The following TMTC2 variants were observed in gnomAD, a reference collection of about 807,000 sequenced individuals.
TMTC2 encodes the protein protein O-mannosyl-transferase TMTC2.
Under a neutral mutation model 82.4 loss-of-function variants are expected in TMTC2, and 43 were observed. The observed-to-expected ratio is 0.52, with a 90% CI of 0.41 to 0.67. The LOEUF is 0.67. Among genes scored for constraint, TMTC2 ranks in the 30% least tolerant of loss-of-function variants. The pLI is 0.00. For synonymous variants in TMTC2, 408 were observed against 381.9 expected, an observed-to-expected ratio of 1.07 and a Z score of -0.80; for missense variants, 919 against 1,012.4, an observed-to-expected ratio of 0.91 and a Z score of 1.25.
intron 1 of TMTC2, among the ~76,000 whole-genome samples, chr12:82,717,542 A>AT (rs1873959304): frequency 6.6e-6 from 1 of 152,082 alleles, no homozygotes; most frequent in East Asian, 1.9e-4. Flanking sequence ...GGCAAAAGGT[A>AT]TTTTTTATTT....
At chr12:82,841,242 G>C (rs1465391949) in intron 1 of TMTC2, among the ~76,000 whole-genome samples, 5 of 152,184 alleles carry the variant, frequency 3.3e-5, no homozygotes, top group Admixed American at 3.3e-4. Context: ...AATAAAACGT[G>C]TTAGAGCTCC....
intron 1 of TMTC2, among the ~76,000 whole-genome samples, chr12:82,848,039 T>A (rs1442556853): frequency 5.9e-5 from 9 of 152,136 alleles, no homozygotes; most frequent in Non-Finnish European, 1.0e-4. Flanking sequence ...TTTCAACTTC[T>A]AAGGAGTTAG....
intron 1 of TMTC2, chr12:82,758,934 T>C (rs1193780854): frequency 6.6e-6 from 1 of 152,152 alleles, no homozygotes; most frequent in African/African-American, 2.4e-5. Context: ...AAGGAAAACA[T>C]ACCGGATTGA....
chr12:82,953,587 T>C (rs1241622216), intron 4 of TMTC2, among the ~76,000 whole-genome samples: 3 of 152,186 alleles, frequency 2.0e-5, no homozygotes, highest in Non-Finnish European at 4.4e-5. Context: ...TAAATGTTGC[T>C]TAAAACTAAG....
chr12:82,857,351 T>C lies in TMTC2; in HGVS notation c.425T>C (p.Val142Ala). 6.2e-7 allele frequency: 1 copy of C among 1,614,182 alleles called. No homozygotes were observed. The highest frequency in any genetic ancestry group is 1.6e-4 in the Middle Eastern group (1 of 6,062). ...AVAGIVGRAD[V>A]GASLFFLLSL... ...GCAGGAATCGTGGGACGAGCCGATGTCGGGGCCAGTCTCTTCTTTCTCCTC... is the reference window on the plus strand; with the variant it reads ...GCAGGAATCGTGGGACGAGCCGATGCCGGGGCCAGTCTCTTCTTTCTCCTC... Residue 142 changes from valine to alanine, a missense_variant, in exon 2 of 12, where the codon GTC becomes GCC. Coordinates refer to ENST00000321196, the MANE Select transcript of TMTC2 (RefSeq NM_152588.3).
intron 4 of TMTC2, among the ~76,000 whole-genome samples, chr12:82,937,786 A>ATATATATG (rs1876455612): frequency 4.3e-5 from 1 of 23,140 alleles, no homozygotes; most frequent in Non-Finnish European, 9.9e-5. Context: ...ATATATATAT[A>ATATATATG]TATATATATA....
In TMTC2 at chr12:82,775,564, G is replaced by A. The variant is rs1316716483; in HGVS notation, c.84-81446G>A. ...ACATGCAAATGGAAGTTAGGAGAGGGCATGTAAAGTAATTAGAGCTGATTT... is the reference window on the plus strand; with the variant it reads ...ACATGCAAATGGAAGTTAGGAGAGGACATGTAAAGTAATTAGAGCTGATTT... On this transcript the variant is annotated intron_variant, in intron 1 of 11. Coordinates refer to ENST00000321196, the MANE Select transcript of TMTC2 (RefSeq NM_152588.3). 3.9e-5 allele frequency among the ~76,000 whole-genome samples: 6 copies of A among 152,096 alleles called. No individual in the cohort carries two copies. In the East Asian group the frequency reaches 9.7e-4, roughly 25 times the overall value.
chr12:82,863,785 G>T (rs1871673878), intron 2 of TMTC2, among the ~76,000 whole-genome samples: 1 of 152,160 alleles, frequency 6.6e-6, no homozygotes. Context: ...AGTAGGCGAT[G>T]TGGGGATTCA....
intron 3 of TMTC2, among the ~76,000 whole-genome samples, chr12:82,923,077 G>T (rs1201029452): frequency 6.6e-6 from 1 of 152,102 alleles, no homozygotes; most frequent in East Asian, 1.9e-4. Flanking sequence ...CTGTCAGATG[G>T]CATAACAGAA....
chr12:82,834,307 A>G (rs1407983448), intron 1 of TMTC2, among the ~76,000 whole-genome samples: 2 of 152,200 alleles, frequency 1.3e-5, no homozygotes, highest in Non-Finnish European at 2.9e-5. Context: ...TGTCCTACAG[A>G]GAGAGAAAAA....
chr12:82,996,580 T>C (rs1879625434), intron 8 of TMTC2, among the ~76,000 whole-genome samples: 1 of 152,230 alleles, frequency 6.6e-6, no homozygotes, highest in Admixed American at 6.5e-5. Context: ...GTACCTGTGG[T>C]AGAAGACCTC....
At chr12:82,853,390 A>C (rs985564958) in intron 1 of TMTC2, among the ~76,000 whole-genome samples, 3 of 152,200 alleles carry the variant, frequency 2.0e-5, no homozygotes, top group African/African-American at 7.2e-5. Flanking sequence ...GGCATGAGCC[A>C]CCATGCCCGG....
intron 9 of TMTC2, among the ~76,000 whole-genome samples, chr12:83,034,159 T>C (rs1387149646): frequency 6.6e-6 from 1 of 152,040 alleles, no homozygotes; most frequent in Non-Finnish European, 1.5e-5. Context: ...AGTAATACTG[T>C]ATAGGAAATA....
chr12:82,789,816 G>A (rs1236618532), intron 1 of TMTC2, among the ~76,000 whole-genome samples: 1 of 152,112 alleles, frequency 6.6e-6, no homozygotes, highest in South Asian at 2.1e-4. Flanking sequence ...TTTGCTTTCT[G>A]TGTTCTATTA....
At chr12:82,900,706 C>A (rs1457669812) in intron 3 of TMTC2, among the ~76,000 whole-genome samples, 3 of 126,628 alleles carry the variant, frequency 2.4e-5, no homozygotes, top group South Asian at 2.5e-4. Flanking sequence ...GAATATATAT[C>A]TCTGGAATAT....
intron 7 of TMTC2, among the ~76,000 whole-genome samples, chr12:82,967,796 G>T (rs779962957): frequency 2.0e-4 from 30 of 152,048 alleles, no homozygotes; most frequent in Non-Finnish European, 2.5e-4. Flanking sequence ...AGCATAAATT[G>T]TAAAGTCAAA....
At chr12:83,107,714 A>G (rs904436021) in intron 11 of TMTC2, among the ~76,000 whole-genome samples, 7 of 152,174 alleles carry the variant, frequency 4.6e-5, no homozygotes, top group South Asian at 4.1e-4. Context: ...TCCAAAACCA[A>G]TCATTGTTGA....
intron 1 of TMTC2, among the ~76,000 whole-genome samples, chr12:82,768,302 C>A (rs1356756804): frequency 6.6e-6 from 1 of 152,152 alleles, no homozygotes; most frequent in Admixed American, 6.5e-5. Flanking sequence ...TTGCTTTGAT[C>A]GTAACACCTG....
At chr12:82,915,010 A>G (rs1461104162) in intron 3 of TMTC2, among the ~76,000 whole-genome samples, 2 of 151,802 alleles carry the variant, frequency 1.3e-5, no homozygotes, top group African/African-American at 4.8e-5. Context: ...TTTTTAGTAT[A>G]GATGGTGTTT....
Sources: gnomAD v4.1 joint callset for allele counts (sites outside exome capture counted in the v4.1 genomes callset) on GRCh38, gnomAD v4.1.1 for gene constraint, MANE v1.5 for transcripts, NCBI Gene and HGNC (gene_info 2026-07-23, HGNC 2026-07-21) for gene names.